The following LZTFL1 variants were observed in gnomAD, a reference collection of about 807,000 sequenced individuals.
The protein encoded by LZTFL1 is leucine zipper transcription factor-like protein 1.
Under a neutral mutation model 45.9 loss-of-function variants are expected in LZTFL1, and 25 were observed. The ratio of observed to expected loss-of-function variants is 0.54; its 90% CI spans 0.40 to 0.76. The LOEUF is 0.76. Ranked by LOEUF, LZTFL1 falls within the 30% of genes least tolerant of loss-of-function variation. The pLI is 0.00. For synonymous variants in LZTFL1, 93 were observed against 117.4 expected, an observed-to-expected ratio of 0.79 and a Z score of 1.35; for missense variants, 277 against 331.1, an observed-to-expected ratio of 0.84 and a Z score of 1.27.
intron 2 of LZTFL1, among the ~76,000 whole-genome samples, chr3:45,870,958 A>G (rs1403631728): frequency 1.3e-5 from 2 of 152,238 alleles, no homozygotes; most frequent in Non-Finnish European, 2.9e-5. Flanking sequence ...TATTGAACAT[A>G]CCATCTATTA....
At chr3:45,885,656 C>G (rs920783823) in intron 2 of LZTFL1, among the ~76,000 whole-genome samples, 4 of 152,228 alleles carry the variant, frequency 2.6e-5, no homozygotes, top group Admixed American at 2.6e-4. Flanking sequence ...GGGATAGCCA[C>G]TAGCTGCATG....
chr3:45,877,769 A>C (rs1455085539), intron 2 of LZTFL1, among the ~76,000 whole-genome samples: 1 of 143,322 alleles, frequency 7.0e-6, no homozygotes, highest in African/African-American at 2.6e-5. Flanking sequence ...CCTGAGACAG[A>C]GTCTAGCTCT....
intron 1 of LZTFL1, among the ~76,000 whole-genome samples, chr3:45,915,117 A>G (rs1166277015): frequency 2.0e-5 from 3 of 152,044 alleles, no homozygotes; most frequent in Admixed American, 6.5e-5. Flanking sequence ...TGTTCCCTCA[A>G]TGGTCCAGGC....
chr3:45,903,512 T>C (rs1702617675), intron 2 of LZTFL1, among the ~76,000 whole-genome samples: 1 of 152,246 alleles, frequency 6.6e-6, no homozygotes, highest in African/African-American at 2.4e-5. Context: ...AAGCATCTAA[T>C]TTCCCCAGTG....
chr3:45,881,783 C>T (rs1701865179), intron 2 of LZTFL1, among the ~76,000 whole-genome samples: 1 of 152,076 alleles, frequency 6.6e-6, no homozygotes, highest in South Asian at 2.1e-4. Context: ...CACCCTTCAC[C>T]CCCTTGCAGA....
At chr3:45,860,721 G>A (rs1325375538) in intron 2 of LZTFL1, among the ~76,000 whole-genome samples, 3 of 152,178 alleles carry the variant, frequency 2.0e-5, no homozygotes, top group African/African-American at 7.2e-5. Context: ...GACAGGACAG[G>A]CTCCGGGTGG....
At chr3:45,861,324 G>A (rs1030156155) in intron 2 of LZTFL1, among the ~76,000 whole-genome samples, 1 of 151,980 alleles carries the variant, frequency 6.6e-6, no homozygotes, top group African/African-American at 2.4e-5. Flanking sequence ...GAGTAAAATC[G>A]AGAACAGTGA....
At chr3:45,832,839 C>G in intron 5 of LZTFL1, 1 of 444,920 alleles carries the variant, frequency 2.2e-6, no homozygotes, top group East Asian at 3.6e-5. Context: ...CTTCACTTTA[C>G]CTTGAAAAGG....
At chr3:45,899,582 G>A (rs915210116) in intron 2 of LZTFL1, among the ~76,000 whole-genome samples, 59 of 152,202 alleles carry the variant, frequency 3.9e-4, no homozygotes, top group Non-Finnish European at 8.8e-5. Context: ...AAGTAGAGAT[G>A]AGATTTGGCA....
At chr3:45,845,315 A>G (rs570673207), upstream of LZTFL1, among the ~76,000 whole-genome samples, 2 of 152,344 alleles carry the variant, frequency 1.3e-5, no homozygotes, top group East Asian at 3.9e-4. Flanking sequence ...TCAAGCTTGC[A>G]GAATAATTTC....
intron 2 of LZTFL1, among the ~76,000 whole-genome samples, chr3:45,909,557 T>C (rs1702750426): frequency 6.6e-6 from 1 of 152,242 alleles, no homozygotes; most frequent in East Asian, 1.9e-4. Context: ...CAAGACATCA[T>C]GCAATTCCCT....
chr3:45,855,746 C>G (rs1232687770), intron 3 of LZTFL1, among the ~76,000 whole-genome samples: 1 of 152,050 alleles, frequency 6.6e-6, no homozygotes, highest in Non-Finnish European at 1.5e-5. Context: ...CACAAACATT[C>G]CTATACACCA....
intron 2 of LZTFL1, among the ~76,000 whole-genome samples, chr3:45,890,902 A>G (rs1448691692): frequency 6.6e-6 from 1 of 152,232 alleles, no homozygotes; most frequent in Non-Finnish European, 1.5e-5. Context: ...GATGAAAGAA[A>G]TGTTCATAAT....
chr3:45,901,324 T>C lies in LZTFL1; in HGVS notation c.-215+11796A>G. 6.2e-7 allele frequency: 1 copy of C among 1,614,186 alleles called. No individual in the cohort carries two copies. The highest frequency in any genetic ancestry group is 8.5e-7 in the Non-Finnish European group (1 of 1,180,024). On this transcript the variant is annotated intron_variant, in intron 2 of 4. Coordinates refer to the LZTFL1 transcript ENST00000472635. The surrounding 1 kb of genome is among the most constrained non-coding windows in gnomAD (Gnocchi z 4.3). ...ACCATCTGGGTATTGGCAGCTGCTC[T>C]CTGCATCCCAGAAATCTTATACAGC...
intron 2 of LZTFL1, among the ~76,000 whole-genome samples, chr3:45,868,221 CA>C (rs544457959): frequency 0.053 from 7,368 of 138,662 alleles, 594 homozygotes; most frequent in African/African-American, 0.18. Flanking sequence ...AATTTTTTTG[CA>C]AAAAAAAAAA....
chr3:45,850,699 G>C (rs1701294159), intron 4 of LZTFL1, among the ~76,000 whole-genome samples: 1 of 152,060 alleles, frequency 6.6e-6, no homozygotes, highest in African/African-American at 2.4e-5. Context: ...CCTTACCAAA[G>C]AGGAAGCTTC....
upstream of LZTFL1, among the ~76,000 whole-genome samples, chr3:45,842,866 C>G (rs1456711323): frequency 6.6e-6 from 1 of 152,116 alleles, no homozygotes; most frequent in Non-Finnish European, 1.5e-5. Context: ...CAGATCAGGA[C>G]CACTCTTAGA....
intron 9 of LZTFL1, chr3:45,827,013 ACTG>A (rs1302434812): frequency 1.8e-5 from 4 of 218,356 alleles, no homozygotes; most frequent in East Asian, 2.4e-4. Flanking sequence ...CAGTTCTTGG[ACTG>A]CTTAGAGTAT....
chr3:45,856,690 A>G (rs533549452), intron 3 of LZTFL1, among the ~76,000 whole-genome samples: 2 of 152,358 alleles, frequency 1.3e-5, no homozygotes, highest in South Asian at 4.1e-4. Context: ...TTACAAGAAA[A>G]AAAACCTTAA....
Sources: gnomAD v4.1 joint callset for allele counts (sites outside exome capture counted in the v4.1 genomes callset) on GRCh38, gnomAD v4.1.1 for gene constraint, Gnocchi (gnomAD v3.1) non-coding constraint, MANE v1.5 for transcripts, NCBI Gene and HGNC (gene_info 2026-07-23, HGNC 2026-07-21) for gene names.